Variants in ELOC observed in about 807,000 individuals in gnomAD.
The protein encoded by ELOC is elongin C.
For missense variants in ELOC, 38 were observed against 139.0 expected (o/e 0.27, Z 3.65); for synonymous variants, 40 against 51.3 (o/e 0.78, Z 0.94).
chr8:73,970,525 G>A (rs547416352), intron 1 of ELOC: 1 of 152,092 alleles, frequency 6.6e-6, no homozygotes, highest in Non-Finnish European at 1.5e-5. Context: ...ATATTAAACA[G>A]GGACCCCAAA....
intron 2 of ELOC, 79 bp from the exon 3 acceptor site, chr8:73,956,133 G>T: frequency 1.4e-6 from 2 of 1,383,722 alleles, no homozygotes; most frequent in Non-Finnish European, 2.0e-6. Flanking sequence ...GGGCGCAGTG[G>T]CTCACGCCTG....
chr8:73,961,009 C>T, intron 1 of ELOC, among the ~76,000 whole-genome samples: 1 of 152,082 alleles, frequency 6.6e-6, no homozygotes, highest in Non-Finnish European at 1.5e-5. Flanking sequence ...GATAAGTACA[C>T]ATACATATTT....
chr8:73,958,016 T>A (rs1463853396), intron 2 of ELOC, among the ~76,000 whole-genome samples: 1 of 151,946 alleles, frequency 6.6e-6, no homozygotes, highest in Non-Finnish European at 1.5e-5. Context: ...CCTCAAGTGA[T>A]CCACCTGCCT....
intron 1 of ELOC, 78 bp downstream of exon 1, chr8:73,971,999 G>A (rs561329847): frequency 6.6e-6 from 1 of 152,406 alleles, no homozygotes; most frequent in South Asian, 2.1e-4. Flanking sequence ...AAGTGGGATT[G>A]CGAGCTCGTC....
In ELOC at chr8:73,946,812, C is replaced by A; in HGVS notation, c.157G>T (p.Ala53Ser). The change falls in exon 4 of 4, where the codon GCT becomes TCT. Residue 53 changes from alanine (A) to serine (S), a missense_variant. By Grantham distance (99) the Ala-to-Ser change is moderately conservative (BLOSUM62 1). Transcript: ENST00000520242. ...TTGACCTCATTGGTTTCGTTCTCAGCAAACTGACCTGTAAAACAAAAGAAT... is the reference window on the plus strand; with the variant it reads ...TTGACCTCATTGGTTTCGTTCTCAGAAAACTGACCTGTAAAACAAAAGAAT... ...KAMLSGPGQF[A>S]ENETNEVNFR... 3 of 1,606,984 alleles carry A rather than the reference C, an allele frequency of 1.9e-6. No individual in the cohort carries two copies. Among genetic ancestry groups the A allele is most frequent in the Non-Finnish European group, 2.6e-6 (3 of 1,176,100 alleles).
intron 3 of ELOC, among the ~76,000 whole-genome samples, chr8:73,950,107 C>T (rs913262942): frequency 2.0e-5 from 3 of 150,362 alleles, no homozygotes; most frequent in South Asian, 2.1e-4. Context: ...TTTGGAGAAA[C>T]AGCTGTTTTC....
chr8:73,967,679 G>C (rs1486362844), intron 1 of ELOC, among the ~76,000 whole-genome samples: 1 of 152,054 alleles, frequency 6.6e-6, no homozygotes, highest in East Asian at 1.9e-4. Context: ...ATTTGGTCAG[G>C]CTGGTCTCAA....
At chr8:73,956,167 A>C in intron 2 of ELOC, 113 bp from the exon 3 acceptor site, 1 of 980,416 alleles carries the variant, frequency 1.0e-6, no homozygotes. Context: ...TTGGCAGGCC[A>C]ATCACCTGAG....
intron 1 of ELOC, among the ~76,000 whole-genome samples, chr8:73,961,516 CTCT>C (rs1563682289): frequency 1.3e-5 from 2 of 151,730 alleles, no homozygotes; most frequent in African/African-American, 2.4e-5. Context: ...CCATCACTCT[CTCT>C]TTTTTTTTTT....
At chr8:73,967,879 G>A (rs1012119725) in intron 1 of ELOC, among the ~76,000 whole-genome samples, 9 of 152,220 alleles carry the variant, frequency 5.9e-5, no homozygotes, top group African/African-American at 1.9e-4. Context: ...TAGTGGGCCA[G>A]ATGTGGCCTG....
intron 1 of ELOC, among the ~76,000 whole-genome samples, chr8:73,965,400 G>A (rs904204657): frequency 2.0e-5 from 3 of 152,024 alleles, no homozygotes; most frequent in Non-Finnish European, 4.4e-5. Flanking sequence ...ATCATAATAG[G>A]AGAATGGATA....
intron 1 of ELOC, among the ~76,000 whole-genome samples, chr8:73,960,987 G>A (rs1016227693): frequency 5.9e-5 from 9 of 151,984 alleles, no homozygotes; most frequent in Non-Finnish European, 8.8e-5. Context: ...GAGAAGTCTT[G>A]CTCTTTACTT....
chr8:73,954,651 CAAA>C (rs547357092), intron 3 of ELOC, among the ~76,000 whole-genome samples: 9 of 106,440 alleles, frequency 8.5e-5, no homozygotes, highest in Admixed American at 9.2e-5. Context: ...GACTCCGTCT[CAAA>C]AAAAAAAAAA....
At chr8:73,966,363 G>A (rs1014423228) in intron 1 of ELOC, among the ~76,000 whole-genome samples, 3 of 152,272 alleles carry the variant, frequency 2.0e-5, no homozygotes, top group African/African-American at 7.2e-5. Flanking sequence ...GGCCAGATGA[G>A]TGAGTCAAGA....
At chr8:73,970,263 C>T (rs762001120) in intron 1 of ELOC, among the ~76,000 whole-genome samples, 3 of 152,116 alleles carry the variant, frequency 2.0e-5, no homozygotes, top group Non-Finnish European at 4.4e-5. Context: ...TAAATATGAG[C>T]ATAATAGCAA....
At chr8:73,956,167 A>T in intron 2 of ELOC, 113 bp from the exon 3 acceptor site, 1 of 980,416 alleles carries the variant, frequency 1.0e-6, no homozygotes, top group South Asian at 1.7e-5. Flanking sequence ...TTGGCAGGCC[A>T]ATCACCTGAG....
At chr8:73,964,111 A>AAAG (rs1814800899) in intron 1 of ELOC, among the ~76,000 whole-genome samples, 1 of 150,790 alleles carries the variant, frequency 6.6e-6, no homozygotes, top group Non-Finnish European at 1.5e-5. Context: ...AAAAAAAAAA[A>AAAG]AAGTATTACA....
chr8:73,960,764 T>C (rs1033075113), intron 1 of ELOC, among the ~76,000 whole-genome samples: 1 of 152,154 alleles, frequency 6.6e-6, no homozygotes, highest in Admixed American at 6.5e-5. Context: ...AGCAAATATT[T>C]GCTTGAATGA....
chr8:73,958,771 A>G (rs530819596), intron 2 of ELOC, among the ~76,000 whole-genome samples: 38 of 152,336 alleles, frequency 2.5e-4, no homozygotes, highest in African/African-American at 7.7e-4. Flanking sequence ...GGTTAGCACG[A>G]TATTATTACT....
Sources: gnomAD v4.1 joint callset for allele counts (sites outside exome capture counted in the v4.1 genomes callset) on GRCh38, gnomAD v4.1.1 for gene constraint, MANE v1.5 for transcripts, NCBI Gene and HGNC (gene_info 2026-07-23, HGNC 2026-07-21) for gene names.